DLC1: variants seen among roughly 807,000 people sequenced by gnomAD.
The protein encoded by DLC1 is rho GTPase-activating protein 7.
DLC1 carries 54 observed loss-of-function variants against 140.3 expected under a neutral mutation model. That is an observed-to-expected ratio of 0.38 (90% CI 0.31 to 0.48). The LOEUF (loss-of-function observed/expected upper bound fraction) is 0.48, where lower values mean the gene tolerates loss of function less well. DLC1 is among the 20% of genes least tolerant of loss of function. DLC1 has a pLI of 0.96. For synonymous variants in DLC1, 986 were observed against 728.1 expected, an observed-to-expected ratio of 1.35 and a Z score of -5.70; for missense variants, 2,536 against 1,907.0, an observed-to-expected ratio of 1.33 and a Z score of -6.14.
At chr8:13,153,812 G>A (rs2128979451) in intron 5 of DLC1, among the ~76,000 whole-genome samples, 1 of 152,162 alleles carries the variant, frequency 6.6e-6, no homozygotes, top group Non-Finnish European at 1.5e-5. Flanking sequence ...GAGCTACACA[G>A]AGTGCTGATT....
upstream of DLC1, among the ~76,000 whole-genome samples, chr8:13,515,099 AAAAGAAAG>A (rs562230594): frequency 6.6e-6 from 1 of 152,266 alleles, no homozygotes; most frequent in East Asian, 1.9e-4. Context: ...TGCTTATGAA[AAAAGAAAG>A]AAAGAAAGAA....
intron 2 of DLC1, among the ~76,000 whole-genome samples, chr8:13,473,138 G>T (rs1178859004): frequency 6.6e-6 from 1 of 152,144 alleles, no homozygotes; most frequent in Non-Finnish European, 1.5e-5. Context: ...CCAGTGTTCA[G>T]GTACTATTTA....
At chr8:13,553,238 AT>A (rs1803927343) in intron 1 of DLC1, among the ~76,000 whole-genome samples, 1 of 129,794 alleles carries the variant, frequency 7.7e-6, no homozygotes, top group African/African-American at 2.8e-5. Flanking sequence ...GTATATATAT[AT>A]ATATATATAT....
intron 4 of DLC1, among the ~76,000 whole-genome samples, chr8:13,327,238 G>T (rs1833400152): frequency 1.3e-5 from 2 of 149,172 alleles, no homozygotes; most frequent in Admixed American, 1.4e-4. Context: ...CTCCCAAAGT[G>T]CTGGGATTAC....
intron 2 of DLC1, among the ~76,000 whole-genome samples, chr8:13,453,422 A>ATATATGTGTATATATATATATATATG (rs1554523043): frequency 3.1e-5 from 1 of 32,572 alleles, no homozygotes; most frequent in Non-Finnish European, 4.8e-5. Context: ...ATATATATAT[A>ATATATGTGTATATATATATATATATG]TGTGTATATA....
At chr8:13,482,392 A>C (rs10101720) in intron 2 of DLC1, among the ~76,000 whole-genome samples, 1 of 146,224 alleles carries the variant, frequency 6.8e-6, no homozygotes, top group African/African-American at 2.5e-5. Flanking sequence ...TGCCATGTGC[A>C]TGTATCATTT....
At chr8:13,380,193 A>G (rs1836189195) in intron 4 of DLC1, among the ~76,000 whole-genome samples, 1 of 152,214 alleles carries the variant, frequency 6.6e-6, no homozygotes, top group African/African-American at 2.4e-5. Context: ...ATTATGTCAT[A>G]AAGACCACAA....
At chr8:13,161,051 A>G (rs1463858802) in intron 5 of DLC1, among the ~76,000 whole-genome samples, 1 of 152,226 alleles carries the variant, frequency 6.6e-6, no homozygotes. Context: ...ACTGCTCTCC[A>G]GCCTGGGCGA....
At chr8:13,466,948 C>T (rs778208091) in intron 2 of DLC1, among the ~76,000 whole-genome samples, 2 of 57,238 alleles carry the variant, frequency 3.5e-5, no homozygotes, top group East Asian at 5.1e-4. Flanking sequence ...TACTATTTCA[C>T]AAAAAAAAAA....
intron 6 of DLC1, among the ~76,000 whole-genome samples, chr8:13,113,119 A>C (rs1207012715): frequency 1.3e-5 from 2 of 152,256 alleles, no homozygotes; most frequent in African/African-American, 4.8e-5. Flanking sequence ...TAAGAATTAA[A>C]TCAGTAATTT....
intron 5 of DLC1, among the ~76,000 whole-genome samples, chr8:13,146,005 G>T (rs554053338): frequency 3.3e-5 from 5 of 152,080 alleles, no homozygotes; most frequent in African/African-American, 4.8e-5. Context: ...AGGGCCGGGC[G>T]CAGTGGCTCA....
intron 5 of DLC1, among the ~76,000 whole-genome samples, chr8:13,240,501 C>T (rs151183433): frequency 6.6e-6 from 1 of 152,330 alleles, no homozygotes; most frequent in East Asian, 1.9e-4. Context: ...GCTCAGCTCA[C>T]TGCAGCCTCC....
intron 1 of DLC1, among the ~76,000 whole-genome samples, chr8:13,543,501 G>C (rs1803553777): frequency 6.6e-6 from 1 of 152,118 alleles, no homozygotes; most frequent in African/African-American, 2.4e-5. Flanking sequence ...ACCCGCACAT[G>C]TATGTTTATT....
intron 5 of DLC1, among the ~76,000 whole-genome samples, chr8:13,188,803 A>ATATATATATATATATATATATGTGTG (rs1563149511): frequency 4.8e-5 from 2 of 41,414 alleles, no homozygotes; most frequent in African/African-American, 8.6e-5. Context: ...GTGTGTGTGT[A>ATATATATATATATATATATATGTGTG]TATATATATA....
At chr8:13,416,385 A>T (rs931816456) in intron 2 of DLC1, among the ~76,000 whole-genome samples, 4 of 152,212 alleles carry the variant, frequency 2.6e-5, no homozygotes, top group Non-Finnish European at 5.9e-5. Flanking sequence ...ATTTGATATA[A>T]AATTCAAAAA....
intron 5 of DLC1, among the ~76,000 whole-genome samples, chr8:13,118,081 C>T (rs1368675496): frequency 1.4e-5 from 2 of 147,958 alleles, no homozygotes; most frequent in Non-Finnish European, 2.9e-5. Flanking sequence ...ATGATCCTAG[C>T]TCACTGCAGC....
chr8:13,417,526 C>T (rs1838126330), intron 2 of DLC1, among the ~76,000 whole-genome samples: 1 of 151,728 alleles, frequency 6.6e-6, no homozygotes, highest in Non-Finnish European at 1.5e-5. Context: ...CATGTCCCTA[C>T]AAAGGACATG....
chr8:13,355,490 C>T (rs370943511), intron 4 of DLC1, among the ~76,000 whole-genome samples: 1 of 152,166 alleles, frequency 6.6e-6, no homozygotes, highest in Admixed American at 6.5e-5. Context: ...CAGGGTTCTG[C>T]TTCTCGTGAG....
chr8:13,326,123 C>T (rs1252592247), intron 4 of DLC1, among the ~76,000 whole-genome samples: 1 of 152,126 alleles, frequency 6.6e-6, no homozygotes, highest in African/African-American at 2.4e-5. Flanking sequence ...CCTAATGATG[C>T]AATTCTCAGA....
Sources: allele counts gnomAD v4.1 joint callset (sites outside exome capture counted in the v4.1 genomes callset), GRCh38; gene constraint gnomAD v4.1.1; transcripts MANE v1.5; gene names NCBI Gene and HGNC (gene_info 2026-07-23, HGNC 2026-07-21).